FLRT2: variants seen among roughly 807,000 people sequenced by gnomAD.
FLRT2 encodes leucine-rich repeat transmembrane protein FLRT2.
In FLRT2, 15 loss-of-function variants were observed where a neutral mutation model predicts 40.0. The observed-to-expected ratio is 0.38, with a 90% confidence interval of 0.25 to 0.58. FLRT2 has a LOEUF of 0.58. Among genes scored for constraint, FLRT2 ranks in the 20% least tolerant of loss-of-function variants. The pLI is 0.71. For missense variants in FLRT2, 726 were observed against 840.0 expected, an observed-to-expected ratio of 0.86 and a Z score of 1.68; for synonymous variants, 380 against 336.8, an observed-to-expected ratio of 1.13 and a Z score of -1.41.
rs181451607 is a variant in FLRT2, at chr14:85,547,564, C to T, written c.-377+17030C>T. Among the ~76,000 whole-genome samples the T allele has an allele frequency of 1.2e-4, 18 of 152,168 alleles. No homozygotes were observed. In the South Asian group the frequency reaches 2.5e-3, roughly 21 times the overall value. ...GTCTCGAACTCCTGACATTGTGATC[C>T]GCCCGCCTTGACCTCCCAAAGTGCT... On this transcript the variant is annotated intron_variant, in intron 1 of 1. Coordinates refer to ENST00000330753, the MANE Select transcript of FLRT2 (RefSeq NM_013231.6).
At position 85,652,609 on chromosome 14, in the gene FLRT2, A is replaced by T. The variant is rs1894460320; in HGVS notation, c.*29112A>T. 6.6e-6 allele frequency: 1 copy of T among 152,164 alleles called. No homozygotes were observed. 9.4% of individuals were successfully genotyped at this position (152,164 alleles called of 1,614,324 possible). A position where few individuals can be genotyped will look rare whatever the true frequency, so the allele number is the denominator to read the frequency against. On this transcript the variant is annotated 3_prime_UTR_variant, in exon 2 of 2. Transcript: ENST00000330753. Reference sequence around the variant, plus strand: ...TAAATTTAAGATGACATTATGACTTATTAGGCCACAGTTAAATATGAGCTT... The same window carrying T: ...TAAATTTAAGATGACATTATGACTTTTTAGGCCACAGTTAAATATGAGCTT...
intron 1 of FLRT2, among the ~76,000 whole-genome samples, chr14:85,583,286 G>A (rs1891471821): frequency 1.3e-5 from 2 of 152,084 alleles, no homozygotes; most frequent in African/African-American, 2.4e-5. Context: ...AGAAATAAAG[G>A]TAATGGAAAA....
chr14:85,557,683 G>A (rs557738949), intron 1 of FLRT2, among the ~76,000 whole-genome samples: 1 of 152,232 alleles, frequency 6.6e-6, no homozygotes, highest in Admixed American at 6.5e-5. Context: ...CGGGTGTGGT[G>A]GCATGTGCCT....
intron 1 of FLRT2, among the ~76,000 whole-genome samples, chr14:85,534,959 G>A (rs1479037116): frequency 1.3e-5 from 2 of 152,154 alleles, no homozygotes; most frequent in Non-Finnish European, 2.9e-5. Context: ...CCTGTGAATG[G>A]GAATCAGTCT....
intron 1 of FLRT2, among the ~76,000 whole-genome samples, chr14:85,570,669 C>T (rs1044197959): frequency 6.6e-6 from 1 of 151,702 alleles, no homozygotes; most frequent in East Asian, 1.9e-4. Flanking sequence ...GCAAGCTCTG[C>T]CTCCTGGGTT....
chr14:85,606,467 T>G (rs1270632898), intron 1 of FLRT2, among the ~76,000 whole-genome samples: 1 of 151,750 alleles, frequency 6.6e-6, no homozygotes, highest in Admixed American at 6.6e-5. Context: ...GTAGCAAATC[T>G]CAAGCACGTG....
At chr14:85,536,550 ATTACT>A (rs1443687112) in intron 1 of FLRT2, among the ~76,000 whole-genome samples, 6 of 151,748 alleles carry the variant, frequency 4.0e-5, no homozygotes, top group African/African-American at 1.2e-4. Flanking sequence ...TTTTCACTAG[ATTACT>A]TTAATAACTT....
Position 85,629,354 on chromosome 14 carries a change from A to G in FLRT2, c.*5857A>G, listed in dbSNP as rs1414336074. 4 of 152,202 alleles carry G rather than the reference A, an allele frequency of 2.6e-5. No individual in the cohort carries two copies. The highest frequency in any genetic ancestry group is 9.6e-5 in the African/African-American group (4 of 41,456). The allele number at this position is 152,202 out of a possible 1,614,324, so 9.4% of individuals were successfully genotyped here. ...GAATTAAATTTTCAAGTTTCCACCAAGTATTTGAAAACTTAGAAATTGTAT... is the reference window on the plus strand; with the variant it reads ...GAATTAAATTTTCAAGTTTCCACCAGGTATTTGAAAACTTAGAAATTGTAT... On this transcript the variant is annotated 3_prime_UTR_variant, in exon 2 of 2. Coordinates refer to ENST00000330753, the MANE Select transcript of FLRT2 (RefSeq NM_013231.6).
intron 1 of FLRT2, among the ~76,000 whole-genome samples, chr14:85,620,291 T>C (rs1893322543): frequency 6.6e-6 from 1 of 152,204 alleles, no homozygotes; most frequent in Non-Finnish European, 1.5e-5. Context: ...CATGTGGTAA[T>C]GTGGTCATGA....
In FLRT2 at chr14:85,602,641, G is replaced by A. The variant is rs552165859; in HGVS notation, c.-376-18498G>A. Among the ~76,000 whole-genome samples the A allele has an allele frequency of 5.9e-5, 9 of 152,072 alleles. No homozygotes were observed. In the South Asian group the frequency reaches 1.0e-3, roughly 18 times the overall value. On this transcript the variant is annotated intron_variant, in intron 1 of 1. Transcript: ENST00000330753. ...GAAGAGTGAAATGGAAAGAGTGGGC[G>A]TAATTTTGCTTTAGGAACTGCACCT...
At chr14:85,537,511 A>G (rs1283706890) in intron 1 of FLRT2, among the ~76,000 whole-genome samples, 1 of 152,060 alleles carries the variant, frequency 6.6e-6, no homozygotes, top group East Asian at 1.9e-4. Context: ...TTTCTTCTAA[A>G]ACTACATGTC....
At chr14:85,596,174 G>A (rs2139325229) in intron 1 of FLRT2, among the ~76,000 whole-genome samples, 1 of 152,304 alleles carries the variant, frequency 6.6e-6, no homozygotes, top group Non-Finnish European at 1.5e-5. Context: ...TCACCCAGGG[G>A]CCAGGAAACA....
rs749600023 is a variant in FLRT2, at chr14:85,623,356, C to T, written c.1842C>T (p.Asn614=). Reference sequence around the variant, plus strand: ...GTTTTCAGATCGTCTCCTTAAATAACGATCAACTCCTTAAAGGAGATTTCA... The same window carrying T: ...GTTTTCAGATCGTCTCCTTAAATAATGATCAACTCCTTAAAGGAGATTTCA... The part of the protein sequence containing the change: ...ETSFQIVSLN[N]DQLLKGDFRL... Residue 614 remains asparagine (N), a synonymous_variant, in exon 2 of 2, where the codon AAC becomes AAT. Coordinates refer to ENST00000330753, the MANE Select transcript of FLRT2 (RefSeq NM_013231.6). 8 of 1,523,970 alleles carry T rather than the reference C, an allele frequency of 5.2e-6. No individual in the cohort carries two copies. Among genetic ancestry groups the T allele is most frequent in the African/African-American group, 4.2e-5 (3 of 71,796 alleles). 94.4% of individuals were successfully genotyped at this position (1,523,970 alleles called of 1,614,324 possible).
chr14:85,531,370 G>C (rs1390346063), intron 1 of FLRT2: 1 of 152,600 alleles, frequency 6.6e-6, no homozygotes, highest in Non-Finnish European at 1.5e-5. Context: ...TGGGGGCTTG[G>C]GGCCTCCTGG....
chr14:85,554,571 A>C (rs962503177), intron 1 of FLRT2, among the ~76,000 whole-genome samples: 3 of 152,216 alleles, frequency 2.0e-5, no homozygotes, highest in African/African-American at 7.2e-5. Context: ...AATTGCTTAG[A>C]AATTCAGCTC....
At chr14:85,530,961 C>G (rs900214567) in intron 1 of FLRT2, among the ~76,000 whole-genome samples, 1 of 152,192 alleles carries the variant, frequency 6.6e-6, no homozygotes, top group Non-Finnish European at 1.5e-5. Context: ...GCGTTATTAT[C>G]AGGCTGTTGT....
At chr14:85,554,173 G>A (rs1298314102) in intron 1 of FLRT2, among the ~76,000 whole-genome samples, 6 of 152,118 alleles carry the variant, frequency 3.9e-5, no homozygotes, top group Non-Finnish European at 8.8e-5. Flanking sequence ...TAAAAAAAAG[G>A]ATTCATGAGT....
At chr14:85,553,746 A>G (rs1318908026) in intron 1 of FLRT2, among the ~76,000 whole-genome samples, 1 of 152,190 alleles carries the variant, frequency 6.6e-6, no homozygotes, top group Admixed American at 6.5e-5. Context: ...GCCTACCTCC[A>G]ATAGGTGACT....
chr14:85,557,069 A>G (rs1204965696), intron 1 of FLRT2, among the ~76,000 whole-genome samples: 1 of 152,160 alleles, frequency 6.6e-6, no homozygotes. Flanking sequence ...AACTGCCCCC[A>G]TGATTCAAAT....
Sources: allele counts gnomAD v4.1 joint callset (sites outside exome capture counted in the v4.1 genomes callset), GRCh38; gene constraint gnomAD v4.1.1; transcripts MANE v1.5; gene names NCBI Gene and HGNC (gene_info 2026-07-23, HGNC 2026-07-21).